The following NPHP4 variants were observed in gnomAD, a reference collection of about 807,000 sequenced individuals.
NPHP4 encodes nephrocystin-4.
A neutral mutation model predicts 155.8 loss-of-function variants in NPHP4; 151 were observed. The observed-to-expected ratio is 0.97, with a 90% confidence interval of 0.85 to 1.11. The LOEUF (loss-of-function observed/expected upper bound fraction) is 1.11. Among genes scored for constraint, NPHP4 ranks in the 50% least tolerant of loss-of-function variants. The pLI, the probability that NPHP4 is intolerant of heterozygous loss-of-function variation, is 0.00. For missense variants in NPHP4, 1,956 were observed against 1,925.7 expected (o/e 1.02, Z -0.29); for synonymous variants, 845 against 816.8 (o/e 1.03, Z -0.59).
intron 10 of NPHP4, among the ~76,000 whole-genome samples, chr1:5,928,811 A>G (rs2101685893): frequency 6.6e-6 from 1 of 152,314 alleles, no homozygotes; most frequent in African/African-American, 2.4e-5. Context: ...ATATCGCCAA[A>G]AAAATCCTGC....
In NPHP4 at chr1:5,890,061, G is replaced by A. The variant is rs530519049; in HGVS notation, c.2304+807C>T. 1.8e-4 allele frequency among the ~76,000 whole-genome samples: 28 copies of A among 152,132 alleles called. No individual in the cohort carries two copies. Among genetic ancestry groups the A allele is most frequent in the African/African-American group, 5.8e-4 (24 of 41,482 alleles). Reference sequence around the variant, plus strand: ...GCGCAGCTGAAGGAGCAGAGGAGCCGTGCTTCTCAGGGGTCAGCAGCTGCT... The same window carrying A: ...GCGCAGCTGAAGGAGCAGAGGAGCCATGCTTCTCAGGGGTCAGCAGCTGCT... On this transcript the variant is annotated intron_variant, in intron 17 of 29. Coordinates refer to ENST00000378156, the MANE Select transcript of NPHP4 (RefSeq NM_015102.5). This position sits in a 1 kb window ranked among gnomAD's most constrained non-coding sequence, Gnocchi z 4.9.
At chr1:5,865,364 G>C (rs1641108605) in intron 26 of NPHP4, 91 bp from the exon 27 acceptor site, 1 of 1,197,174 alleles carries the variant, frequency 8.4e-7, no homozygotes. Context: ...AGCGTGGGCA[G>C]ACAGGAGGCT....
At chr1:5,979,836 T>C (rs1314211982) in intron 2 of NPHP4, among the ~76,000 whole-genome samples, 1 of 152,072 alleles carries the variant, frequency 6.6e-6, no homozygotes, top group African/African-American at 2.4e-5. Flanking sequence ...TTTTCTGTAT[T>C]ACTGATGCTC....
At chr1:5,952,950 G>A in intron 6 of NPHP4, 114 bp from the exon 7 acceptor site, 2 of 920,206 alleles carry the variant, frequency 2.2e-6, no homozygotes, top group Non-Finnish European at 3.2e-6. Flanking sequence ...AACGAAGGGT[G>A]CTCGGGACTC....
chr1:5,991,496 C>T (rs1656281827), intron 1 of NPHP4: 1 of 152,272 alleles, frequency 6.6e-6, no homozygotes, highest in South Asian at 2.1e-4. Context: ...CATCGCGACA[C>T]ACGGAGGCAG....
chr1:5,992,178 G>A (rs1656494201), intron 1 of NPHP4, 66 bp downstream of exon 1: 1 of 152,098 alleles, frequency 6.6e-6, no homozygotes, highest in African/African-American at 2.4e-5. Context: ...CCTGTGCCTC[G>A]AGGCCGCGTC....
At position 5,986,179 on chromosome 1, in the gene NPHP4, C is replaced by T. The variant is rs758919587; in HGVS notation, c.111G>A (p.Trp37Ter). The T allele has an allele frequency of 3.7e-6, 6 of 1,613,878 alleles. No individual in the cohort carries two copies. The highest frequency in any genetic ancestry group is 5.1e-6 in the Non-Finnish European group (6 of 1,179,856). Residue 37 changes from tryptophan (W) to a stop codon, truncating the protein, a stop_gained, in exon 2 of 30, where the codon TGG (tryptophan) becomes TGA (stop). Coordinates refer to ENST00000378156, the MANE Select transcript of NPHP4 (RefSeq NM_015102.5). LOFTEE classifies it high-confidence loss of function. The part of the protein sequence containing the change: ...ESTAFQCVLK[W>*]LDGPVIRQGV... ...CCTGCCTAATTACCGGTCCGTCCAG[C>T]CACTTGAGGACACACTGGAATGCCG... is the stretch of plus-strand genomic sequence containing the variant.
At chr1:5,888,395 G>C in intron 17 of NPHP4, 1 of 1,090,918 alleles carries the variant, frequency 9.2e-7, no homozygotes, top group Non-Finnish European at 1.1e-6. Flanking sequence ...TGAGGTTCCG[G>C]ATTTTGTAAT....
chr1:5,904,780 T>C lies in NPHP4; in HGVS notation c.1980A>G (p.Thr660=), dbSNP rs201184309. The change falls in exon 16 of 30, where the codon ACA becomes ACG. Residue 660 remains threonine (T), a synonymous_variant. Transcript: ENST00000378156. ...FSRVAQDCRG[T]SWPKTVYFTF... ...TGAAATACACAGTCTTTGGCCATGA[T>C]GTTCCTCGGCAGTCCTGGGCCACTC... 14 of 1,614,008 alleles carry C rather than the reference T, an allele frequency of 8.7e-6. No homozygotes were observed. In the East Asian group the frequency reaches 2.9e-4, roughly 33 times the overall value.
chr1:5,978,146 C>A, intron 3 of NPHP4, 124 bp downstream of exon 3: 3 of 869,204 alleles, frequency 3.5e-6, no homozygotes, highest in Non-Finnish European at 5.4e-6. Flanking sequence ...GCTGCCTGGA[C>A]CCACAAGTCT....
intron 28 of NPHP4, 51 bp from the exon 29 acceptor site, chr1:5,864,084 A>G: frequency 6.3e-7 from 1 of 1,592,644 alleles, no homozygotes; most frequent in Non-Finnish European, 8.6e-7. Context: ...GGGAACAGCC[A>G]CTGGCCCTTC....
At position 5,967,383 on chromosome 1, in the gene NPHP4, G is replaced by A. The variant is rs1484818629; in HGVS notation, c.453-20C>T. 6.3e-7 allele frequency: 1 copy of A among 1,594,814 alleles called. No individual in the cohort carries two copies. Among genetic ancestry groups the A allele is most frequent in the Non-Finnish European group, 8.5e-7 (1 of 1,170,100 alleles). On this transcript the variant is annotated intron_variant, in intron 4 of 29. Transcript: ENST00000378156. ...CGCAACCTGGAAGACAGGACCCAGA[G>A]AACAGTCGTCAGCCACGTGCGCACT...
chr1:5,893,906 T>C (rs1396872341), intron 16 of NPHP4, among the ~76,000 whole-genome samples: 3 of 152,232 alleles, frequency 2.0e-5, no homozygotes, highest in African/African-American at 4.8e-5. Context: ...GCTCACACTC[T>C]TGTCTTCTGG....
At chr1:5,957,125 A>G (rs889569132) in intron 6 of NPHP4, among the ~76,000 whole-genome samples, 1 of 152,202 alleles carries the variant, frequency 6.6e-6, no homozygotes, top group African/African-American at 2.4e-5. Context: ...TCTGCCCTTC[A>G]TGCTCTGTAG....
At chr1:5,934,311 T>C (rs1646425931) in intron 9 of NPHP4, among the ~76,000 whole-genome samples, 1 of 152,120 alleles carries the variant, frequency 6.6e-6, no homozygotes, top group South Asian at 2.1e-4. Flanking sequence ...GTTAGAGCTC[T>C]TTCCACTCCT....
chr1:5,972,779 G>A (rs767114256), intron 3 of NPHP4, among the ~76,000 whole-genome samples: 1 of 151,974 alleles, frequency 6.6e-6, no homozygotes, highest in Non-Finnish European at 1.5e-5. Context: ...GGGAACAGGT[G>A]GTATTTGGTT....
At chr1:5,922,582 A>T (rs1393990629) in intron 11 of NPHP4, among the ~76,000 whole-genome samples, 1 of 151,984 alleles carries the variant, frequency 6.6e-6, no homozygotes, top group African/African-American at 2.4e-5. Context: ...GCATTTTGGG[A>T]GGCCAAGGTG....
chr1:5,920,679 G>A (rs1175441042), intron 11 of NPHP4, among the ~76,000 whole-genome samples: 1 of 152,078 alleles, frequency 6.6e-6, no homozygotes, highest in African/African-American at 2.4e-5. Context: ...CTTTTCTGTT[G>A]TTTATCTGCT....
At chr1:5,914,066 C>T (rs1227975643) in intron 11 of NPHP4, among the ~76,000 whole-genome samples, 1 of 151,868 alleles carries the variant, frequency 6.6e-6, no homozygotes, top group East Asian at 1.9e-4. Flanking sequence ...GGGCAGGAGG[C>T]GGCCTCCCCA....
Sources: gnomAD v4.1 joint callset for allele counts (sites outside exome capture counted in the v4.1 genomes callset) on GRCh38, gnomAD v4.1.1 for gene constraint, Gnocchi (gnomAD v3.1) non-coding constraint, MANE v1.5 for transcripts, NCBI Gene and HGNC (gene_info 2026-07-23, HGNC 2026-07-21) for gene names.